Variants in PPP1R8 observed in about 807,000 individuals in gnomAD.
PPP1R8 encodes the protein nuclear inhibitor of protein phosphatase 1.
In PPP1R8, 4 loss-of-function variants were observed where a neutral mutation model predicts 31.3. The observed-to-expected ratio is 0.13, with a 90% CI of 0.06 to 0.29. PPP1R8 has a LOEUF of 0.29. Ranked by LOEUF, PPP1R8 falls within the 10% of genes least tolerant of loss-of-function variation. The probability of loss-of-function intolerance (pLI) is 1.00; values close to 1 mark genes in which losing one functional copy is unlikely to be tolerated. For synonymous variants in PPP1R8, 170 were observed against 169.7 expected, an observed-to-expected ratio of 1.00 and a Z score of -0.01; for missense variants, 254 against 440.1, an observed-to-expected ratio of 0.58 and a Z score of 3.78.
intron 1 of PPP1R8, among the ~76,000 whole-genome samples, chr1:27,832,117 G>A (rs888310337): frequency 6.6e-6 from 1 of 152,212 alleles, no homozygotes; most frequent in East Asian, 1.9e-4. Flanking sequence ...ACCAGGCACC[G>A]TTAGGTGCTT....
rs1161295078 is a variant in PPP1R8 at position 27,838,688 on chromosome 1, T to C, written c.118-11T>C. The C allele has an allele frequency of 1.4e-6, 2 of 1,440,508 alleles. No individual in the cohort carries two copies. Among genetic ancestry groups the C allele is most frequent in the East Asian group, 5.1e-5 (2 of 39,526 alleles). The allele number at this position is 1,440,508 out of a possible 1,614,324, so 89.2% of individuals were successfully genotyped here. ...AAGATTTAAGTAATATTTAATTTAA[T>C]ATTTATTTAGAAACTGATTATTGAT... On this transcript the variant is annotated splice_polypyrimidine_tract_variant and intron_variant, in intron 2 of 6. Transcript: ENST00000311772.
Position 27,843,227 on chromosome 1 carries a change from T to C in PPP1R8, c.534T>C (p.Ser178=), listed in dbSNP as rs780368310. The change falls in exon 5 of 7, where the codon TCT becomes TCC. Residue 178 remains serine, a synonymous_variant. Transcript: ENST00000311772. ...EFNTAHNKRI[S]TLTIEEGNLD... ...ACACTGCCCACAACAAGCGGATTTC[T>C]ACCCTTACCATTGAGGAGGGAAATC... The C allele has an allele frequency of 1.9e-6, 3 of 1,614,174 alleles. No individual in the cohort carries two copies. Among genetic ancestry groups the C allele is most frequent in the African/African-American group, 2.7e-5 (2 of 75,044 alleles).
chr1:27,835,372 T>C (rs930790264), intron 2 of PPP1R8, among the ~76,000 whole-genome samples: 1 of 152,218 alleles, frequency 6.6e-6, no homozygotes, highest in Non-Finnish European at 1.5e-5. Flanking sequence ...GGGCTCTCTC[T>C]TAATCCTGAA....
chr1:27,830,800 G>C lies in PPP1R8; in HGVS notation c.-36G>C. 1 of 1,562,226 alleles carries C rather than the reference G, an allele frequency of 6.4e-7. No homozygotes were observed. Among genetic ancestry groups the C allele is most frequent in the Admixed American group, 1.9e-5 (1 of 52,356 alleles). On this transcript the variant is annotated 5_prime_UTR_variant, in exon 1 of 7. Coordinates refer to ENST00000311772, the MANE Select transcript of PPP1R8 (RefSeq NM_014110.5). ...TCTCGGTCTTCCAGTTTCCCGGCGT[G>C]CTTAGGGCGCGCCAAATGGGAGGGG...
chr1:27,844,813 G>C lies in PPP1R8; in HGVS notation c.637+1483G>C, dbSNP rs372923154. Among the ~76,000 whole-genome samples the C allele has an allele frequency of 8.4e-5, 12 of 143,584 alleles. No homozygotes were observed. In the East Asian group the frequency reaches 2.2e-3, roughly 27 times the overall value. 94.2% of individuals were successfully genotyped at this position (143,584 alleles called of 152,430 possible). ...GTTCACTGCAACCTCCGCCTCCTGG[G>C]TTCACGCCATTTTCCTGCCTCAGCC... On this transcript the variant is annotated intron_variant, in intron 5 of 6. Transcript: ENST00000311772.
At chr1:27,835,585 T>C (rs1323959015) in intron 2 of PPP1R8, among the ~76,000 whole-genome samples, 2 of 152,210 alleles carry the variant, frequency 1.3e-5, no homozygotes, top group African/African-American at 4.8e-5. Flanking sequence ...CCTGAATTAA[T>C]TGAACCTTAA....
chr1:27,847,154 C>T (rs932462569), intron 6 of PPP1R8, 62 bp downstream of exon 6: 29 of 1,531,378 alleles, frequency 1.9e-5, no homozygotes, highest in East Asian at 6.8e-5. Context: ...AGGCCAGGCG[C>T]GTTGGCTTAT....
intron 1 of PPP1R8, among the ~76,000 whole-genome samples, chr1:27,831,548 C>G (rs1331774163): frequency 6.6e-6 from 1 of 152,148 alleles, no homozygotes; most frequent in South Asian, 2.1e-4. Context: ...CAAGGAAACG[C>G]TTCTGAATTA....
At chr1:27,840,482 C>T (rs1273665669) in intron 3 of PPP1R8, among the ~76,000 whole-genome samples, 1 of 152,206 alleles carries the variant, frequency 6.6e-6, no homozygotes, top group Admixed American at 6.6e-5. Context: ...CTGTTTCAGC[C>T]AAGCTCTTTC....
intron 2 of PPP1R8, among the ~76,000 whole-genome samples, chr1:27,835,172 A>G (rs911938069): frequency 3.9e-5 from 6 of 152,186 alleles, no homozygotes; most frequent in African/African-American, 1.4e-4. Flanking sequence ...ATAGAAATTT[A>G]GTCATTGTTA....
At chr1:27,842,280 TGTG>T (rs2089229804) in intron 4 of PPP1R8, among the ~76,000 whole-genome samples, 1 of 149,090 alleles carries the variant, frequency 6.7e-6, no homozygotes, top group African/African-American at 2.5e-5. Context: ...AGGTGGAGGT[TGTG>T]GTGAGCCAAG....
chr1:27,846,507 G>T (rs972973446), intron 5 of PPP1R8, among the ~76,000 whole-genome samples: 1 of 152,250 alleles, frequency 6.6e-6, no homozygotes, highest in Non-Finnish European at 1.5e-5. Flanking sequence ...GCCAGGTTCA[G>T]TTTGAAGCCC....
chr1:27,844,791 C>G (rs1422908596), intron 5 of PPP1R8, among the ~76,000 whole-genome samples: 1 of 129,198 alleles, frequency 7.7e-6, no homozygotes, highest in Non-Finnish European at 1.6e-5. Context: ...GATCTCAGTT[C>G]ACTGCAACCT....
intron 2 of PPP1R8, among the ~76,000 whole-genome samples, chr1:27,836,575 C>T (rs977041914): frequency 1.1e-4 from 17 of 152,150 alleles, no homozygotes; most frequent in South Asian, 6.2e-4. Flanking sequence ...CCACCACGCC[C>T]GGCTAATTTT....
At chr1:27,847,889 T>C (rs1437776301) in intron 6 of PPP1R8, among the ~76,000 whole-genome samples, 1 of 152,204 alleles carries the variant, frequency 6.6e-6, no homozygotes. Context: ...GCCAGCTTGA[T>C]GTTTCATGTA....
At chr1:27,841,672 A>G (rs77101435) in intron 4 of PPP1R8, among the ~76,000 whole-genome samples, 188 of 152,320 alleles carry the variant, frequency 1.2e-3, no homozygotes, top group African/African-American at 4.3e-3. Context: ...CCTCACAGAA[A>G]GTTCTGTCAG....
chr1:27,839,896 C>A (rs2148616827), intron 3 of PPP1R8, among the ~76,000 whole-genome samples: 1 of 151,842 alleles, frequency 6.6e-6, no homozygotes, highest in Non-Finnish European at 1.5e-5. Context: ...CGCGTCTCTA[C>A]AAAAAAATAC....
chr1:27,850,104 G>T lies in PPP1R8; in HGVS notation c.714G>T (p.Val238=). 1 of 1,575,162 alleles carries T rather than the reference G, an allele frequency of 6.3e-7. No individual in the cohort carries two copies. The highest frequency in any genetic ancestry group is 8.6e-7 in the Non-Finnish European group (1 of 1,158,714). The change falls in exon 7 of 7, where the codon GTG becomes GTT. Residue 238 remains valine, a synonymous_variant. Transcript: ENST00000311772. The stretch of plus-strand genomic sequence containing the variant: ...ATCGTGAACTGTAGAAGAAGCGTGT[G>T]GAGGGCCCTGGCTCCCTGGGCCTGG... ...TAVVPVKKKR[V]EGPGSLGLEE...
intron 2 of PPP1R8, among the ~76,000 whole-genome samples, chr1:27,836,857 C>T (rs1005245321): frequency 1.3e-5 from 2 of 151,888 alleles, no homozygotes; most frequent in African/African-American, 4.8e-5. Flanking sequence ...CATGGTGAAA[C>T]TTGTTTGTTT....
Sources: allele counts gnomAD v4.1 joint callset (sites outside exome capture counted in the v4.1 genomes callset), GRCh38; gene constraint gnomAD v4.1.1; transcripts MANE v1.5; gene names NCBI Gene and HGNC (gene_info 2026-07-23, HGNC 2026-07-21).